Variants in NFIX observed in about 807,000 individuals in gnomAD.
NFIX encodes the protein nuclear factor 1 X-type.
Under a neutral mutation model 53.3 loss-of-function variants are expected in NFIX, and 2 were observed. That is an observed-to-expected ratio of 0.04 (90% CI 0.02 to 0.12). The LOEUF is 0.12. Among genes scored for constraint, NFIX ranks in the 10% least tolerant of loss-of-function variants. The probability of loss-of-function intolerance (pLI) is 1.00; values close to 1 mark genes in which losing one functional copy is unlikely to be tolerated. For synonymous variants in NFIX, 244 were observed against 289.0 expected (o/e 0.84, Z 1.58); for missense variants, 310 against 674.5 (o/e 0.46, Z 5.99).
chr19:13,010,772 TCA>T (rs1233242539), intron 1 of NFIX, among the ~76,000 whole-genome samples: 2 of 151,954 alleles, frequency 1.3e-5, no homozygotes, highest in Admixed American at 6.6e-5. Flanking sequence ...TTCACATGAG[TCA>T]CACACCTGCC....
intron 1 of NFIX, among the ~76,000 whole-genome samples, chr19:13,016,126 A>G (rs1010442828): frequency 6.6e-6 from 1 of 152,170 alleles, no homozygotes; most frequent in East Asian, 1.9e-4. Context: ...TGCACTTTTT[A>G]TACCTGCCTT....
intron 1 of NFIX, chr19:13,024,767 C>T (rs997209966): frequency 6.6e-7 from 1 of 1,510,462 alleles, no homozygotes; most frequent in Non-Finnish European, 8.9e-7. Context: ...TGTAGAGGCT[C>T]CCGGTGCCTC....
chr19:13,045,893 C>A lies in NFIX; in HGVS notation c.559+20341C>A, dbSNP rs554219108. 2.1e-4 allele frequency among the ~76,000 whole-genome samples: 32 copies of A among 152,330 alleles called. No individual in the cohort carries two copies. The highest frequency in any genetic ancestry group is 7.7e-4 in the African/African-American group (32 of 41,568). On this transcript the variant is annotated intron_variant, in intron 2 of 10. Coordinates refer to ENST00000592199, the MANE Select transcript of NFIX (RefSeq NM_001365902.3). This position sits in a 1 kb window ranked among gnomAD's most constrained non-coding sequence, Gnocchi z 4.4. The stretch of plus-strand genomic sequence containing the variant: ...CTTGGACATTCTTCCTCAGCTTGAG[C>A]CCCATGGACCCCTCCAGGTGGGAGG...
rs1206679894 is a variant in NFIX, at chr19:13,067,222, T to C, written c.560-5825T>C. The stretch of plus-strand genomic sequence containing the variant: ...CATCAGCCCTTCAGAGGATGGGGTG[T>C]TGCAGCTGCCCAGAGGCACCCCCAG... On this transcript the variant is annotated intron_variant, in intron 2 of 10. Transcript: ENST00000592199. The surrounding 1 kb of genome is among the most constrained non-coding windows in gnomAD (Gnocchi z 4.2). Among the ~76,000 whole-genome samples, 2 of 151,968 alleles carry C rather than the reference T, an allele frequency of 1.3e-5. No individual in the cohort carries two copies. The highest frequency in any genetic ancestry group is 2.9e-5 in the Non-Finnish European group (2 of 67,974).
intron 2 of NFIX, among the ~76,000 whole-genome samples, chr19:13,047,001 G>A (rs1484257032): frequency 6.6e-6 from 1 of 152,184 alleles, no homozygotes; most frequent in Non-Finnish European, 1.5e-5. Flanking sequence ...TGATGGGGCT[G>A]TACTCCCCAC....
chr19:13,061,223 T>C (rs1177109513), intron 2 of NFIX, among the ~76,000 whole-genome samples: 5 of 152,152 alleles, frequency 3.3e-5, no homozygotes, highest in Non-Finnish European at 7.3e-5. Flanking sequence ...CCCCGCCTTC[T>C]ATTCGCCCAC....
intron 1 of NFIX, among the ~76,000 whole-genome samples, chr19:13,023,771 T>G: frequency 6.6e-6 from 1 of 151,406 alleles, no homozygotes; most frequent in Non-Finnish European, 1.5e-5. Context: ...TTTCTTTCTT[T>G]TTGCTCCTTT....
rs2014912377 is a variant in NFIX at position 13,045,264 on chromosome 19, C to T, written c.559+19712C>T. 6.6e-6 allele frequency among the ~76,000 whole-genome samples: 1 copy of T among 152,176 alleles called. No individual in the cohort carries two copies. On this transcript the variant is annotated intron_variant, in intron 2 of 10. Transcript: ENST00000592199. This position sits in a 1 kb window ranked among gnomAD's most constrained non-coding sequence, Gnocchi z 4.4. ...CAGTGGTATCCTGGTCTGTGGCTAG[C>T]ATGGGCCCCAGAGCTGTGTGTGATG...
chr19:12,996,707 G>A lies in NFIX; in HGVS notation c.27+843G>A, dbSNP rs2011481499. On this transcript the variant is annotated intron_variant, in intron 1 of 10. Transcript: ENST00000592199. This position sits in a 1 kb window ranked among gnomAD's most constrained non-coding sequence, Gnocchi z 5.2. ...CCCGTCCCGTCGCCTGGAGGCGGGAGGGGCGGGAGGCAGCCGTGGACACAG... is the reference window on the plus strand; with the variant it reads ...CCCGTCCCGTCGCCTGGAGGCGGGAAGGGCGGGAGGCAGCCGTGGACACAG... 6.6e-6 allele frequency among the ~76,000 whole-genome samples: 1 copy of A among 152,220 alleles called. No homozygotes were observed. The highest frequency in any genetic ancestry group is 2.4e-5 in the African/African-American group (1 of 41,466).
In NFIX at chr19:13,093,076, G is replaced by C. The variant is rs2018241484; in HGVS notation, c.1495-1559G>C. On this transcript the variant is annotated intron_variant, in intron 10 of 10. Transcript: ENST00000592199. This position sits in a 1 kb window ranked among gnomAD's most constrained non-coding sequence, Gnocchi z 4.7. The stretch of plus-strand genomic sequence containing the variant: ...ATGCTCTTGATCTGCACTGTCCATT[G>C]TGGTAGCCACGGGCCACGTGTGGCT... Among the ~76,000 whole-genome samples the C allele has an allele frequency of 2.6e-5, 4 of 152,242 alleles. No individual in the cohort carries two copies. The highest frequency in any genetic ancestry group is 1.3e-4 in the Admixed American group (2 of 15,288).
In NFIX at chr19:13,072,981, A is replaced by G; in HGVS notation, c.560-66A>G. On this transcript the variant is annotated intron_variant, in intron 2 of 10. Transcript: ENST00000592199. The surrounding 1 kb of genome is among the most constrained non-coding windows in gnomAD (Gnocchi z 4.0). ...CTCTTGCACCAGGCTGGAGGGGCCA[A>G]TGCTTGGCTGGTGCTTATGGGGAAC... 10 of 1,505,186 alleles carry G rather than the reference A, an allele frequency of 6.6e-6. No homozygotes were observed. The highest frequency in any genetic ancestry group is 4.5e-5 in the East Asian group (2 of 44,392). The allele number at this position is 1,505,186 out of a possible 1,614,324, so 93.2% of individuals were successfully genotyped here.
rs2011784882 is a variant in NFIX at position 13,002,781 on chromosome 19, C to T, written c.27+6917C>T. ...CGGGGTTGCACTGGGGAGCTCTCCC[C>T]CCACTGGGCCCCACCCTGAGGGGAG... is the stretch of plus-strand genomic sequence containing the variant. On this transcript the variant is annotated intron_variant, in intron 1 of 10. Transcript: ENST00000592199. This position sits in a 1 kb window ranked among gnomAD's most constrained non-coding sequence, Gnocchi z 6.1. Among the ~76,000 whole-genome samples, 1 of 152,174 alleles carries T rather than the reference C, an allele frequency of 6.6e-6. No homozygotes were observed. The highest frequency in any genetic ancestry group is 1.5e-5 in the Non-Finnish European group (1 of 68,004).
Position 13,078,073 on chromosome 19 carries a change from C to T in NFIX, c.956-540C>T, listed in dbSNP as rs1236638661. ...GTCCTCTGGCCTCTGTCCCTGCTCT[C>T]TCGCTGGGCATTGTGTCCCTCCTGA... On this transcript the variant is annotated intron_variant, in intron 6 of 10. Transcript: ENST00000592199. This position sits in a 1 kb window ranked among gnomAD's most constrained non-coding sequence, Gnocchi z 4.7. 1.3e-5 allele frequency among the ~76,000 whole-genome samples: 2 copies of T among 152,314 alleles called. No homozygotes were observed. Among genetic ancestry groups the T allele is most frequent in the Non-Finnish European group, 2.9e-5 (2 of 68,016 alleles).
Position 13,073,066 on chromosome 19 carries a change from T to A in NFIX, c.579T>A (p.Ser193Arg). 6.2e-7 allele frequency: 1 copy of A among 1,613,932 alleles called. No individual in the cohort carries two copies. Among genetic ancestry groups the A allele is most frequent in the Non-Finnish European group, 8.5e-7 (1 of 1,179,858 alleles). Residue 193 changes from serine (S) to arginine (R), a missense_variant, in exon 3 of 11, where the codon AGT becomes AGA. Transcript: ENST00000592199. The surrounding 1 kb of genome is among the most constrained non-coding windows in gnomAD (Gnocchi z 4.5). ...VHTPESGQSD[S>R]SNQQGDADIK... is the part of the protein sequence containing the mutation. ...CTGCAGAATCCGGACAATCAGATAG[T>A]TCAAACCAGCAAGGAGATGCGGACA...
rs1243464726 is a variant in NFIX, at chr19:13,072,857, T to C, written c.560-190T>C. Among the ~76,000 whole-genome samples the C allele has an allele frequency of 6.6e-6, 1 of 152,148 alleles. No individual in the cohort carries two copies. Among genetic ancestry groups the C allele is most frequent in the African/African-American group, 2.4e-5 (1 of 41,428 alleles). On this transcript the variant is annotated intron_variant, in intron 2 of 10. Transcript: ENST00000592199. This position sits in a 1 kb window ranked among gnomAD's most constrained non-coding sequence, Gnocchi z 4.0. ...GAGGCTGAGAAACCTGCACTGGGCC[T>C]GTCTTTCCTTCTCTGCTTTGGGTCT... is the stretch of plus-strand genomic sequence containing the variant.
At chr19:13,046,882 A>G (rs1324754204) in intron 2 of NFIX, among the ~76,000 whole-genome samples, 1 of 152,140 alleles carries the variant, frequency 6.6e-6, no homozygotes, top group Admixed American at 6.5e-5. Context: ...CCTGATCAGG[A>G]GAGGGTCAGA....
chr19:13,047,849 C>G (rs1441448841), intron 2 of NFIX, among the ~76,000 whole-genome samples: 1 of 152,164 alleles, frequency 6.6e-6, no homozygotes, highest in Non-Finnish European at 1.5e-5. Flanking sequence ...TCTCTTTGTC[C>G]CATGGTGGCA....
In NFIX at chr19:13,028,846, G is replaced by T. The variant is rs16978854; in HGVS notation, c.559+3294G>T. The stretch of plus-strand genomic sequence containing the variant: ...AGGATGGCCGAGCTGGCCTAGAACC[G>T]CTGCTAGACTATCTCCAAAGTTTCT... On this transcript the variant is annotated intron_variant, in intron 2 of 10. Coordinates refer to ENST00000592199, the MANE Select transcript of NFIX (RefSeq NM_001365902.3). The surrounding 1 kb of genome is among the most constrained non-coding windows in gnomAD (Gnocchi z 4.2). Among the ~76,000 whole-genome samples, 1 of 152,056 alleles carries T rather than the reference G, an allele frequency of 6.6e-6. No homozygotes were observed. Among genetic ancestry groups the T allele is most frequent in the South Asian group, 2.1e-4 (1 of 4,828 alleles).
At chr19:13,029,933 G>A (rs1268898461) in intron 2 of NFIX, among the ~76,000 whole-genome samples, 3 of 152,276 alleles carry the variant, frequency 2.0e-5, no homozygotes, top group Non-Finnish European at 2.9e-5. Context: ...CTGCCAAGAC[G>A]GGGCTGGTGC....
Sources: allele counts gnomAD v4.1 joint callset (sites outside exome capture counted in the v4.1 genomes callset), GRCh38; gene constraint gnomAD v4.1.1; non-coding constraint Gnocchi (gnomAD v3.1); transcripts MANE v1.5; gene names NCBI Gene and HGNC (gene_info 2026-07-23, HGNC 2026-07-21).